EIF4G3: variants seen among roughly 807,000 people sequenced by gnomAD.
The protein encoded by EIF4G3 is eIF-4-gamma 3.
Under a neutral mutation model 186.4 loss-of-function variants are expected in EIF4G3, and 34 were observed. The observed-to-expected ratio is 0.18, with a 90% CI of 0.14 to 0.24. The LOEUF (loss-of-function observed/expected upper bound fraction) is 0.24, where lower values mean the gene tolerates loss of function less well. EIF4G3 is among the 10% of genes least tolerant of loss of function. The probability of loss-of-function intolerance (pLI) is 1.00; values close to 1 mark genes in which losing one functional copy is unlikely to be tolerated. For missense variants in EIF4G3, 1,536 were observed against 1,948.5 expected (o/e 0.79, Z 3.99); for synonymous variants, 673 against 679.5 (o/e 0.99, Z 0.15).
chr1:20,926,532 G>A (rs569142678), intron 14 of EIF4G3, among the ~76,000 whole-genome samples: 3 of 152,248 alleles, frequency 2.0e-5, no homozygotes, highest in African/African-American at 2.4e-5. Context: ...TTAGCTGGGT[G>A]TGGTGTCACG....
intron 3 of EIF4G3, among the ~76,000 whole-genome samples, chr1:21,051,423 T>C (rs1201488952): frequency 5.9e-5 from 9 of 152,276 alleles, no homozygotes; most frequent in South Asian, 4.1e-4. Flanking sequence ...ATAGTGAGAA[T>C]TGAATGTCTC....
chr1:20,950,138 G>A, intron 12 of EIF4G3, 27 bp from the exon 13 acceptor site: 2 of 1,523,626 alleles, frequency 1.3e-6, no homozygotes, highest in Non-Finnish European at 1.8e-6. Flanking sequence ...AAAAAAGGGT[G>A]ATAATGAGCG....
At chr1:20,935,839 G>C (rs1377733760) in intron 14 of EIF4G3, among the ~76,000 whole-genome samples, 2 of 152,152 alleles carry the variant, frequency 1.3e-5, no homozygotes, top group Non-Finnish European at 2.9e-5. Flanking sequence ...AAAGACTGAG[G>C]GAGCACAGCT....
chr1:21,088,140 T>C (rs1278649961), intron 3 of EIF4G3, among the ~76,000 whole-genome samples: 1 of 152,002 alleles, frequency 6.6e-6, no homozygotes, highest in African/African-American at 2.4e-5. Context: ...AAAAACAGTG[T>C]TCATGGCCAG....
chr1:21,041,551 C>G (rs994391257), intron 4 of EIF4G3, among the ~76,000 whole-genome samples: 1 of 152,068 alleles, frequency 6.6e-6, no homozygotes, highest in African/African-American at 2.4e-5. Context: ...AGAAGATGGG[C>G]AATTTTCATG....
At chr1:21,107,251 G>C (rs867341170) in intron 2 of EIF4G3, among the ~76,000 whole-genome samples, 1 of 151,976 alleles carries the variant, frequency 6.6e-6, no homozygotes, top group African/African-American at 2.4e-5. Context: ...ATCTTGGCTC[G>C]CTGCAACCTC....
intron 18 of EIF4G3, chr1:20,892,552 AAG>A (rs2086443706): frequency 2.6e-6 from 3 of 1,136,434 alleles, no homozygotes; most frequent in Non-Finnish European, 3.8e-6. Flanking sequence ...AGTAAATAAA[AAG>A]AGCGTAACAG....
intron 2 of EIF4G3, among the ~76,000 whole-genome samples, chr1:21,135,180 G>A (rs747576382): frequency 5.9e-5 from 9 of 152,120 alleles, no homozygotes; most frequent in Non-Finnish European, 1.3e-4. Context: ...AACACCACCC[G>A]CAGAGTCACA....
intron 14 of EIF4G3, among the ~76,000 whole-genome samples, chr1:20,915,102 A>G (rs967372876): frequency 6.6e-6 from 1 of 152,178 alleles, no homozygotes; most frequent in Admixed American, 6.5e-5. Flanking sequence ...GCTAATTCTA[A>G]GCATGTCAGT....
At chr1:21,023,715 G>C (rs1175876571) in intron 4 of EIF4G3, among the ~76,000 whole-genome samples, 2 of 151,150 alleles carry the variant, frequency 1.3e-5, no homozygotes, top group Non-Finnish European at 3.0e-5. Context: ...CTGCCTGGCC[G>C]CCCATCGTCT....
intron 24 of EIF4G3, among the ~76,000 whole-genome samples, chr1:20,858,439 T>C (rs924203697): frequency 6.6e-6 from 1 of 152,158 alleles, no homozygotes; most frequent in Non-Finnish European, 1.5e-5. Flanking sequence ...TTTAACACCC[T>C]CACTTGCTTC....
intron 20 of EIF4G3, among the ~76,000 whole-genome samples, chr1:20,875,062 G>A (rs920706294): frequency 6.6e-6 from 1 of 152,090 alleles, no homozygotes; most frequent in Non-Finnish European, 1.5e-5. Context: ...CACTGCAGCC[G>A]TGACCTCCTG....
chr1:21,013,874 A>G (rs1469302966), intron 4 of EIF4G3, among the ~76,000 whole-genome samples: 1 of 152,190 alleles, frequency 6.6e-6, no homozygotes, highest in East Asian at 1.9e-4. Context: ...CAAATATCAT[A>G]AAGTATAGAA....
At chr1:20,970,544 C>T (rs775887270) in intron 11 of EIF4G3, among the ~76,000 whole-genome samples, 1 of 152,014 alleles carries the variant, frequency 6.6e-6, no homozygotes, top group African/African-American at 2.4e-5. Context: ...ACCTGAGAGG[C>T]GGAGCTTGCA....
At chr1:20,993,295 C>A (rs1460162109) in intron 7 of EIF4G3, among the ~76,000 whole-genome samples, 1 of 152,154 alleles carries the variant, frequency 6.6e-6, no homozygotes, top group Non-Finnish European at 1.5e-5. Flanking sequence ...CCAAGGAATA[C>A]ACTCAAAGCA....
At chr1:21,138,602 C>T (rs2097287769) in intron 2 of EIF4G3, among the ~76,000 whole-genome samples, 2 of 152,008 alleles carry the variant, frequency 1.3e-5, no homozygotes, top group South Asian at 4.2e-4. Context: ...TAGATCACTT[C>T]AGGTCAGTAG....
Position 21,009,438 on chromosome 1 carries a change from C to A in EIF4G3, c.-66-6630G>T, listed in dbSNP as rs2086300812. On this transcript the variant is annotated intron_variant, in intron 4 of 36. Coordinates refer to ENST00000602326, the MANE Select transcript of EIF4G3 (RefSeq NM_001391906.1). ...TCTAGCAATCCTCCTGCCTCAGCCT[C>A]CCAAAGTGTTGGGATTATAGGGGTG... 2.0e-5 allele frequency among the ~76,000 whole-genome samples: 3 copies of A among 152,174 alleles called. No individual in the cohort carries two copies. In the South Asian group the frequency reaches 6.2e-4, roughly 31 times the overall value.
At chr1:20,907,457 T>G (rs886112555) in intron 14 of EIF4G3, among the ~76,000 whole-genome samples, 7 of 152,044 alleles carry the variant, frequency 4.6e-5, no homozygotes. Flanking sequence ...TTGCTACATA[T>G]GTATACATGT....
At chr1:20,826,481 C>CTT (rs71014120) in intron 32 of EIF4G3, among the ~76,000 whole-genome samples, 875 of 50,660 alleles carry the variant, frequency 0.017, 117 homozygotes, top group South Asian at 0.045. Context: ...GTGAGTCTTT[C>CTT]TTTTTTTTTT....
Sources: allele counts gnomAD v4.1 joint callset (sites outside exome capture counted in the v4.1 genomes callset), GRCh38; gene constraint gnomAD v4.1.1; transcripts MANE v1.5; gene names NCBI Gene and HGNC (gene_info 2026-07-23, HGNC 2026-07-21).